Variants in ATXN1 observed in about 807,000 individuals in gnomAD.
ATXN1 encodes ataxin-1.
In ATXN1, 8 loss-of-function variants were observed where a neutral mutation model predicts 56.4. That is an observed-to-expected ratio of 0.14 (90% confidence interval 0.08 to 0.26). The LOEUF (loss-of-function observed/expected upper bound fraction) is 0.26, where lower values mean the gene tolerates loss of function less well. Among genes scored for constraint, ATXN1 ranks in the 10% least tolerant of loss-of-function variants. ATXN1 has a pLI of 1.00. For missense variants in ATXN1, 987 were observed against 1,106.5 expected, an observed-to-expected ratio of 0.89 and a Z score of 1.53; for synonymous variants, 514 against 494.6, an observed-to-expected ratio of 1.04 and a Z score of -0.52.
chr6:16,674,051 T>TATATATATATATATATATATATATATA (rs559330521), intron 2 of ATXN1, among the ~76,000 whole-genome samples: 25 of 151,938 alleles, frequency 1.6e-4, no homozygotes, highest in African/African-American at 4.6e-4. Flanking sequence ...CTAACGTGTT[T>TATATATATATATATATATATATATATA]TATATATATA....
At chr6:16,482,931 T>C (rs1405615531) in intron 6 of ATXN1, among the ~76,000 whole-genome samples, 1 of 152,226 alleles carries the variant, frequency 6.6e-6, no homozygotes, top group Non-Finnish European at 1.5e-5. Flanking sequence ...GCTGATACTT[T>C]ATGCAACTTG....
At chr6:16,685,740 T>C (rs1315264775) in intron 2 of ATXN1, among the ~76,000 whole-genome samples, 1 of 152,230 alleles carries the variant, frequency 6.6e-6, no homozygotes, top group Non-Finnish European at 1.5e-5. Context: ...CAGTCATTAT[T>C]CATTCTTTAA....
intron 6 of ATXN1, among the ~76,000 whole-genome samples, chr6:16,364,564 A>G (rs766644830): frequency 9.9e-5 from 15 of 152,104 alleles, no homozygotes; most frequent in Non-Finnish European, 2.2e-4. Context: ...CAGCCTCCCA[A>G]TGTGCTGGGA....
chr6:16,317,295 T>A (rs1474819308), intron 7 of ATXN1, among the ~76,000 whole-genome samples: 1 of 152,098 alleles, frequency 6.6e-6, no homozygotes, highest in Non-Finnish European at 1.5e-5. Flanking sequence ...AAGCAGTAAG[T>A]AGAATAGCCT....
intron 5 of ATXN1, among the ~76,000 whole-genome samples, chr6:16,493,375 C>T (rs967230539): frequency 6.6e-6 from 1 of 151,998 alleles, no homozygotes; most frequent in African/African-American, 2.4e-5. Context: ...CCAGACCTCC[C>T]AAGACCAGCT....
In ATXN1 at chr6:16,644,509, G is replaced by A. The variant is rs1216350287; in HGVS notation, c.-489+13267C>T. On this transcript the variant is annotated intron_variant, in intron 3 of 7. Transcript: ENST00000436367. ...CAGCCTGGCGACAGAGCAAGACTCC[G>A]TTTCAAAAAAAAAAAAAAAAAGGTT... Among the ~76,000 whole-genome samples the A allele has an allele frequency of 2.2e-4, 22 of 100,538 alleles. No individual in the cohort carries two copies. The East Asian group carries it at 6.2e-3, about 28-fold the overall frequency. The allele number at this position is 100,538 out of a possible 152,430, so 66.0% of individuals were successfully genotyped here.
chr6:16,615,074 A>C (rs1243539963), intron 3 of ATXN1: 2 of 150,216 alleles, frequency 1.3e-5, no homozygotes, highest in Admixed American at 6.7e-5. Flanking sequence ...GGAGGCTTTC[A>C]TAATATAACA....
At chr6:16,319,471 T>C (rs1428520717) in intron 7 of ATXN1, among the ~76,000 whole-genome samples, 3 of 152,208 alleles carry the variant, frequency 2.0e-5, no homozygotes, top group African/African-American at 7.2e-5. Context: ...AGTTGATGCA[T>C]AAGGGATTTT....
rs1022179786 is a variant in ATXN1, at chr6:16,306,392, C to T, written c.2385G>A (p.Lys795=). Residue 795 remains lysine, a synonymous_variant, in exon 8 of 8, where the codon AAG becomes AAA. Coordinates refer to ENST00000436367, the MANE Select transcript of ATXN1 (RefSeq NM_001128164.2). This position sits in a 1 kb window ranked among gnomAD's most constrained non-coding sequence, Gnocchi z 5.2. ...TAACCTCCTGAGGAATTAGAGAAGGCTTAGGAAGAGTCAAAGGTGGTTCGT... is the reference window on the plus strand; with the variant it reads ...TAACCTCCTGAGGAATTAGAGAAGGTTTAGGAAGAGTCAAAGGTGGTTCGT... ...SEDEPPLTLP[K]PSLIPQEVKI... is the part of the protein sequence containing the mutation. The T allele has an allele frequency of 3.1e-6, 5 of 1,613,994 alleles. No homozygotes were observed. In the African/African-American group the frequency reaches 4.0e-5, roughly 13 times the overall value.
Position 16,544,672 on chromosome 6 carries a change from G to C in ATXN1, c.-360-21984C>G, listed in dbSNP as rs187518321. Among the ~76,000 whole-genome samples, 7 of 152,296 alleles carry C rather than the reference G, an allele frequency of 4.6e-5. No individual in the cohort carries two copies. In the East Asian group the frequency reaches 1.4e-3, roughly 29 times the overall value. ...GAACATCTAAGATGAGAGCTGGAGT[G>C]AGCCACGATTTGTAACCATGCAGAT... On this transcript the variant is annotated intron_variant, in intron 4 of 7. Coordinates refer to ENST00000436367, the MANE Select transcript of ATXN1 (RefSeq NM_001128164.2).
At chr6:16,609,778 C>T (rs909847242) in intron 3 of ATXN1, among the ~76,000 whole-genome samples, 3 of 151,734 alleles carry the variant, frequency 2.0e-5, no homozygotes, top group Non-Finnish European at 4.4e-5. Context: ...AGGAAGAAGA[C>T]GATTTCAAAA....
chr6:16,467,814 T>A (rs2113634965), intron 6 of ATXN1, among the ~76,000 whole-genome samples: 1 of 152,332 alleles, frequency 6.6e-6, no homozygotes, highest in South Asian at 2.1e-4. Context: ...TATTGCCTGT[T>A]AACAACCCTG....
At chr6:16,650,154 A>G (rs1289568620) in intron 3 of ATXN1, among the ~76,000 whole-genome samples, 2 of 152,204 alleles carry the variant, frequency 1.3e-5, no homozygotes, top group Non-Finnish European at 2.9e-5. Flanking sequence ...AGAGAACAAG[A>G]GTCTCATGCG....
intron 4 of ATXN1, among the ~76,000 whole-genome samples, chr6:16,531,297 G>A (rs141940593): frequency 8.1e-4 from 123 of 152,294 alleles, no homozygotes; most frequent in Middle Eastern, 3.4e-3. Context: ...TATCACAGAG[G>A]AAAGGCAGAA....
intron 6 of ATXN1, among the ~76,000 whole-genome samples, chr6:16,390,283 A>G (rs1047783922): frequency 6.6e-6 from 1 of 152,090 alleles, no homozygotes; most frequent in African/African-American, 2.4e-5. Flanking sequence ...TTTCATTGCC[A>G]TGTTTTCAGT....
chr6:16,680,462 C>T (rs1345845393), intron 2 of ATXN1, among the ~76,000 whole-genome samples: 2 of 152,036 alleles, frequency 1.3e-5, no homozygotes, highest in South Asian at 2.1e-4. Context: ...TACATTCCTC[C>T]GGGAGGATTA....
intron 5 of ATXN1, among the ~76,000 whole-genome samples, chr6:16,517,627 A>C (rs1761209668): frequency 6.6e-6 from 1 of 152,232 alleles, no homozygotes; most frequent in Admixed American, 6.5e-5. Flanking sequence ...TAAGGGTAAA[A>C]GATATGTAAA....
intron 3 of ATXN1, among the ~76,000 whole-genome samples, chr6:16,592,606 G>A (rs1983291): frequency 0.083 from 12,551 of 151,964 alleles, 1,692 homozygotes; most frequent in African/African-American, 0.28. Context: ...AGATTTTCTA[G>A]GCTTTTGGTA....
chr6:16,504,268 T>G (rs2113677068), intron 5 of ATXN1, among the ~76,000 whole-genome samples: 1 of 152,346 alleles, frequency 6.6e-6, no homozygotes, highest in East Asian at 1.9e-4. Flanking sequence ...GAGCCAGCTT[T>G]CACTCCTGGG....
Sources: gnomAD v4.1 joint callset for allele counts (sites outside exome capture counted in the v4.1 genomes callset) on GRCh38, gnomAD v4.1.1 for gene constraint, Gnocchi (gnomAD v3.1) non-coding constraint, MANE v1.5 for transcripts, NCBI Gene and HGNC (gene_info 2026-07-23, HGNC 2026-07-21) for gene names.